Variants in PARVB observed in about 807,000 individuals in gnomAD.
PARVB encodes the protein parvin beta.
A neutral mutation model predicts 47.0 loss-of-function variants in PARVB; 46 were observed. The observed-to-expected ratio is 0.98, with a 90% CI of 0.77 to 1.25. The LOEUF (loss-of-function observed/expected upper bound fraction) is 1.25. Ranked by LOEUF, PARVB falls within the 50% of genes most tolerant of loss-of-function variation. PARVB has a pLI of 0.00. For missense variants in PARVB, 473 were observed against 471.6 expected (o/e 1.00, Z -0.03); for synonymous variants, 196 against 196.3 (o/e 1.00, Z 0.01).
chr22:44,039,761 A>G (rs558347302), intron 1 of PARVB: 29 of 425,380 alleles, frequency 6.8e-5, no homozygotes, highest in African/African-American at 5.5e-4. Flanking sequence ...TCTCAAAACC[A>G]CTATGCTGAG....
intron 1 of PARVB, among the ~76,000 whole-genome samples, chr22:44,072,205 C>T (rs1445807956): frequency 2.0e-5 from 3 of 152,220 alleles, no homozygotes; most frequent in Non-Finnish European, 4.4e-5. Flanking sequence ...CCTCCCTACC[C>T]TGTCCCCCTT....
rs183773568 is a variant in PARVB at position 44,126,921 on chromosome 22, G to T, written c.377-4566G>T. ...TTGCATCTGCATCTCAGCCGTGGTT[G>T]CCTGTAAACCATGCCAGTGCCTTCT... On this transcript the variant is annotated intron_variant, in intron 4 of 12. Coordinates refer to ENST00000338758, the MANE Select transcript of PARVB (RefSeq NM_013327.5). Among the ~76,000 whole-genome samples, 27 of 152,298 alleles carry T rather than the reference G, an allele frequency of 1.8e-4. No individual in the cohort carries two copies. In the East Asian group the frequency reaches 4.2e-3, roughly 24 times the overall value.
intron 4 of PARVB, among the ~76,000 whole-genome samples, chr22:44,131,283 A>C (rs2053311357): frequency 6.6e-6 from 1 of 151,334 alleles, no homozygotes; most frequent in South Asian, 2.1e-4. Context: ...CTGGGATTAC[A>C]TGTGTGCGCC....
At chr22:44,157,447 G>A (rs567070267) in intron 10 of PARVB, among the ~76,000 whole-genome samples, 1 of 152,314 alleles carries the variant, frequency 6.6e-6, no homozygotes, top group East Asian at 1.9e-4. Flanking sequence ...TCTTTGCAGA[G>A]CCCCATGTGT....
Position 44,154,056 on chromosome 22 carries a change from G to A in PARVB, c.843+2505G>A, listed in dbSNP as rs546739673. Among the ~76,000 whole-genome samples the A allele has an allele frequency of 1.3e-3, 199 of 152,310 alleles. 2 individuals carry two copies. Among genetic ancestry groups the A allele is most frequent in the Non-Finnish European group, 3.1e-4 (21 of 68,034 alleles). Reference sequence around the variant, plus strand: ...GGGGCCCCTGGTACTGTCATGGGGCGTGTGAGGGGCACTGCTCCCCCACAT... The same window carrying A: ...GGGGCCCCTGGTACTGTCATGGGGCATGTGAGGGGCACTGCTCCCCCACAT... On this transcript the variant is annotated intron_variant, in intron 10 of 12. Coordinates refer to ENST00000338758, the MANE Select transcript of PARVB (RefSeq NM_013327.5).
chr22:44,126,119 G>T (rs1284241405), intron 4 of PARVB, among the ~76,000 whole-genome samples: 4 of 152,152 alleles, frequency 2.6e-5, no homozygotes, highest in African/African-American at 9.7e-5. Flanking sequence ...AGTCCAGGCT[G>T]CAGTGTACGT....
rs1331924414 is a variant in PARVB, at chr22:44,168,597, T to C, written c.1019-5T>C. 10 of 1,606,136 alleles carry C rather than the reference T, an allele frequency of 6.2e-6. No homozygotes were observed. Among genetic ancestry groups the C allele is most frequent in the Admixed American group, 1.7e-5 (1 of 60,006 alleles). On this transcript the variant is annotated splice_polypyrimidine_tract_variant and splice_region_variant and intron_variant, in intron 12 of 12. Transcript: ENST00000338758. ...CCTCTGAAGTTTCTCTGTTTCCTTC[T>C]GCAGACGTGGTTAACTTGGACCTCA...
chr22:44,147,934 G>T lies in PARVB; in HGVS notation c.774+12G>T, dbSNP rs557010443. On this transcript the variant is annotated intron_variant, in intron 9 of 12. Coordinates refer to ENST00000338758, the MANE Select transcript of PARVB (RefSeq NM_013327.5). ...GCGTGGTGAAGAAGGTGAGCTATTG[G>T]TGGGATGTTGGATGTGCTCTCCCCT... is the stretch of plus-strand genomic sequence containing the variant. The T allele has an allele frequency of 6.2e-6, 10 of 1,612,804 alleles. No homozygotes were observed. The African/African-American group carries it at 1.3e-4, about 22-fold the overall frequency.
At chr22:44,151,669 T>A in intron 10 of PARVB, 118 bp downstream of exon 10, 2 of 774,788 alleles carry the variant, frequency 2.6e-6, no homozygotes, top group Non-Finnish European at 2.3e-6. Flanking sequence ...CACAAGGAAC[T>A]CCCGTGGTGC....
At chr22:44,097,857 G>GTCCTC (rs1269119758) in intron 2 of PARVB, among the ~76,000 whole-genome samples, 1 of 152,196 alleles carries the variant, frequency 6.6e-6, no homozygotes, top group African/African-American at 2.4e-5. Context: ...CGGCATCTCT[G>GTCCTC]TCCTCCACCT....
chr22:44,155,016 T>G lies in PARVB; in HGVS notation c.844-2966T>G, dbSNP rs1601694554. 1.8e-5 allele frequency among the ~76,000 whole-genome samples: 2 copies of G among 113,424 alleles called. No homozygotes were observed. Among genetic ancestry groups the G allele is most frequent in the African/African-American group, 4.2e-5 (1 of 23,948 alleles). 74.4% of individuals were successfully genotyped at this position (113,424 alleles called of 152,430 possible). Reference sequence around the variant, plus strand: ...TTGTAGTCTGTGTGGTGTGTGTGTGTGGTTTTTGTAGTCTGTGTGGTGTGT... The same window carrying G: ...TTGTAGTCTGTGTGGTGTGTGTGTGGGGTTTTTGTAGTCTGTGTGGTGTGT... On this transcript the variant is annotated intron_variant, in intron 10 of 12. Coordinates refer to ENST00000338758, the MANE Select transcript of PARVB (RefSeq NM_013327.5). The surrounding 1 kb of genome is among the most constrained non-coding windows in gnomAD (Gnocchi z 4.8).
chr22:44,094,299 T>C (rs562611553), intron 2 of PARVB, among the ~76,000 whole-genome samples: 61 of 152,268 alleles, frequency 4.0e-4, no homozygotes, highest in African/African-American at 1.4e-3. Context: ...AAAGATAGTT[T>C]GTTAAACTCA....
In PARVB at chr22:44,172,171, T is replaced by G. The variant is rs1223279950; in HGVS notation, c.*3493T>G. On this transcript the variant is annotated 3_prime_UTR_variant, in exon 13 of 13. Coordinates refer to ENST00000338758, the MANE Select transcript of PARVB (RefSeq NM_013327.5). The stretch of plus-strand genomic sequence containing the variant: ...CTGGACAGATGCAGCAAGGGGCCAG[T>G]TCCAAGGCAGAATTCAGGGTGAACT... 1 of 152,154 alleles carries G rather than the reference T, an allele frequency of 6.6e-6. No individual in the cohort carries two copies. The highest frequency in any genetic ancestry group is 2.4e-5 in the African/African-American group (1 of 41,394). The allele number at this position is 152,154 out of a possible 1,614,324, so 9.4% of individuals were successfully genotyped here. A position where few individuals can be genotyped will look rare whatever the true frequency, so the allele number is the denominator to read the frequency against.
chr22:44,146,045 TGAA>T (rs1415499705), intron 8 of PARVB: 1 of 152,232 alleles, frequency 6.6e-6, no homozygotes, highest in African/African-American at 2.4e-5. Flanking sequence ...GGTCTTTAGG[TGAA>T]GAAAACTTCC....
At chr22:44,119,016 A>G (rs987093541) in intron 3 of PARVB, 22 bp from the exon 4 acceptor site, 4 of 1,568,892 alleles carry the variant, frequency 2.5e-6, no homozygotes, top group African/African-American at 2.7e-5. Flanking sequence ...GACTGAGGCC[A>G]TAATGCCTGC....
intron 1 of PARVB, among the ~76,000 whole-genome samples, chr22:44,074,732 G>A (rs1233201176): frequency 1.3e-5 from 2 of 152,198 alleles, no homozygotes; most frequent in Non-Finnish European, 1.5e-5. Context: ...AGCTGCCCAC[G>A]GCAGTCCCAG....
At chr22:44,062,240 G>C (rs4490293) in intron 1 of PARVB, among the ~76,000 whole-genome samples, 33,865 of 151,940 alleles carry the variant, frequency 0.22, 4,027 homozygotes, top group Middle Eastern at 0.29. Context: ...GACCTGGAGA[G>C]AGCCTCAGAC....
chr22:44,081,643 T>A (rs957343556), intron 1 of PARVB: 23 of 984,124 alleles, frequency 2.3e-5, no homozygotes, highest in Admixed American at 6.1e-5. Context: ...TCTAAGAGCC[T>A]GGCAGTCTCA....
intron 1 of PARVB, chr22:44,086,820 A>G: frequency 1.0e-6 from 1 of 985,436 alleles, no homozygotes; most frequent in Non-Finnish European, 1.2e-6. Flanking sequence ...CACCCCTCTG[A>G]GTACGGATGG....
Sources: allele counts gnomAD v4.1 joint callset (sites outside exome capture counted in the v4.1 genomes callset), GRCh38; gene constraint gnomAD v4.1.1; non-coding constraint Gnocchi (gnomAD v3.1); transcripts MANE v1.5; gene names NCBI Gene and HGNC (gene_info 2026-07-23, HGNC 2026-07-21).